Variants in CHN2 observed in about 807,000 individuals in gnomAD.
CHN2 encodes the protein chimerin 2.
CHN2 carries 35 observed loss-of-function variants against 56.3 expected under a neutral mutation model. The observed-to-expected ratio is 0.62, with a 90% confidence interval of 0.47 to 0.82. The LOEUF (loss-of-function observed/expected upper bound fraction) is 0.82. Among genes scored for constraint, CHN2 ranks in the 40% least tolerant of loss-of-function variants. The pLI is 0.00. For missense variants in CHN2, 491 were observed against 580.5 expected (o/e 0.85, Z 1.58); for synonymous variants, 210 against 212.8 (o/e 0.99, Z 0.12).
At chr7:29,346,733 C>G (rs1035103527) in intron 1 of CHN2, among the ~76,000 whole-genome samples, 1 of 152,156 alleles carries the variant, frequency 6.6e-6, no homozygotes, top group Admixed American at 6.5e-5. Context: ...TTCTGTGAGT[C>G]GAGTCATCCT....
chr7:29,284,662 T>C (rs1792008232), intron 1 of CHN2, among the ~76,000 whole-genome samples: 1 of 152,052 alleles, frequency 6.6e-6, no homozygotes, highest in Non-Finnish European at 1.5e-5. Context: ...AATCCTGAGC[T>C]CAAGAAAGGA....
At chr7:29,401,066 A>C (rs941403648) in intron 6 of CHN2, 2 of 506,102 alleles carry the variant, frequency 4.0e-6, no homozygotes, top group African/African-American at 3.9e-5. Flanking sequence ...CAGGAGATAG[A>C]GACCATCCTG....
chr7:29,330,564 A>G (rs35040169), intron 1 of CHN2, among the ~76,000 whole-genome samples: 36,460 of 152,158 alleles, frequency 0.24, 4,930 homozygotes, highest in Non-Finnish European at 0.31. Context: ...AGACAAATTC[A>G]TGTTCTTGGA....
At chr7:29,353,612 A>G (rs1307013469) in intron 1 of CHN2, among the ~76,000 whole-genome samples, 4 of 152,152 alleles carry the variant, frequency 2.6e-5, no homozygotes, top group Non-Finnish European at 5.9e-5. Flanking sequence ...AGCCTGGGTA[A>G]CAGAACGAGA....
chr7:29,288,594 G>T (rs949331623), intron 1 of CHN2, among the ~76,000 whole-genome samples: 2 of 151,874 alleles, frequency 1.3e-5, no homozygotes, highest in Non-Finnish European at 2.9e-5. Context: ...ATAATCAAGG[G>T]GCTTGGCCAT....
At chr7:29,229,984 A>AATAG (rs1786538885) in intron 1 of CHN2, among the ~76,000 whole-genome samples, 1 of 151,816 alleles carries the variant, frequency 6.6e-6, no homozygotes, top group African/African-American at 2.4e-5. Flanking sequence ...CTCAAAAATA[A>AATAG]ATAAATAAAT....
intron 2 of CHN2, among the ~76,000 whole-genome samples, chr7:29,362,702 T>A (rs1482294632): frequency 6.6e-6 from 1 of 152,206 alleles, no homozygotes; most frequent in African/African-American, 2.4e-5. Flanking sequence ...CTTCTCTACC[T>A]GCAGAACCCT....
chr7:29,157,088 AATGAAAAGGCTTG>A (rs1794481943), intron 2 of CHN2, among the ~76,000 whole-genome samples: 1 of 152,188 alleles, frequency 6.6e-6, no homozygotes. Context: ...ATTGTAGGGA[AATGAAAAGGCTTG>A]ATGATTGCTG....
chr7:29,505,924 C>T (rs1790510855), intron 10 of CHN2, among the ~76,000 whole-genome samples: 1 of 152,190 alleles, frequency 6.6e-6, no homozygotes, highest in South Asian at 2.1e-4. Context: ...ATGAAATCAA[C>T]ATGGCATATC....
At chr7:29,412,879 T>A (rs1250095696) in intron 6 of CHN2, among the ~76,000 whole-genome samples, 1 of 113,144 alleles carries the variant, frequency 8.8e-6, no homozygotes, top group Non-Finnish European at 1.6e-5. Context: ...AGGCTTGGCC[T>A]ATAAGAATTT....
chr7:29,445,078 TG>T (rs1783934356), intron 6 of CHN2: 1 of 454,678 alleles, frequency 2.2e-6, no homozygotes, highest in Non-Finnish European at 4.4e-6. Flanking sequence ...TGGTCCCAGC[TG>T]GTATGTTTGG....
intron 6 of CHN2, among the ~76,000 whole-genome samples, chr7:29,423,624 A>G (rs1804559222): frequency 6.6e-6 from 1 of 152,278 alleles, no homozygotes; most frequent in Non-Finnish European, 1.5e-5. Context: ...GGAAGTGGAA[A>G]GTAGCCACTT....
At chr7:29,252,850 C>T (rs572189967) in intron 1 of CHN2, among the ~76,000 whole-genome samples, 1 of 150,210 alleles carries the variant, frequency 6.7e-6, no homozygotes, top group Non-Finnish European at 1.5e-5. Context: ...CCGCCTCGGC[C>T]TCCCAAAGTG....
intron 1 of CHN2, among the ~76,000 whole-genome samples, chr7:29,201,314 C>G (rs994721002): frequency 1.3e-5 from 2 of 152,192 alleles, no homozygotes; most frequent in Non-Finnish European, 2.9e-5. Flanking sequence ...AGAGCTGGAA[C>G]TGTCATCTAG....
intron 1 of CHN2, among the ~76,000 whole-genome samples, chr7:29,351,445 A>G (rs898417817): frequency 6.6e-6 from 1 of 152,242 alleles, no homozygotes; most frequent in Non-Finnish European, 1.5e-5. Flanking sequence ...GAGCAGTCAT[A>G]ACAAACCAAC....
intron 2 of CHN2, among the ~76,000 whole-genome samples, chr7:29,180,824 G>A (rs956957163): frequency 6.6e-6 from 1 of 152,122 alleles, no homozygotes; most frequent in Non-Finnish European, 1.5e-5. Context: ...GACAAGACTC[G>A]TATCATCCGT....
intron 1 of CHN2, among the ~76,000 whole-genome samples, chr7:29,228,269 G>A (rs1020751199): frequency 1.3e-5 from 2 of 151,966 alleles, no homozygotes; most frequent in African/African-American, 2.4e-5. Flanking sequence ...TCGACAGACT[G>A]CATATACCAC....
intron 1 of CHN2, among the ~76,000 whole-genome samples, chr7:29,235,081 C>G (rs1273490410): frequency 6.6e-6 from 1 of 152,082 alleles, no homozygotes; most frequent in African/African-American, 2.4e-5. Flanking sequence ...AGTTTTAGTC[C>G]TCAAGGCACT....
At chr7:29,323,638 G>C (rs1247446957) in intron 1 of CHN2, among the ~76,000 whole-genome samples, 1 of 152,072 alleles carries the variant, frequency 6.6e-6, no homozygotes, top group Non-Finnish European at 1.5e-5. Context: ...GTTTTTCAAA[G>C]GCAGTTTAGG....
Sources: allele counts gnomAD v4.1 joint callset (sites outside exome capture counted in the v4.1 genomes callset), GRCh38; gene constraint gnomAD v4.1.1; transcripts MANE v1.5; gene names NCBI Gene and HGNC (gene_info 2026-07-23, HGNC 2026-07-21).